The following NAV3 variants were observed in gnomAD, a reference collection of about 807,000 sequenced individuals.
The protein encoded by NAV3 is pore membrane and/or filament interacting like protein 1.
Under a neutral mutation model 244.7 loss-of-function variants are expected in NAV3, and 87 were observed. The ratio of observed to expected loss-of-function variants is 0.36; its 90% confidence interval spans 0.30 to 0.42. The LOEUF is 0.42. NAV3 is among the 20% of genes least tolerant of loss of function. NAV3 has a pLI of 1.00. For synonymous variants in NAV3, 1,126 were observed against 1,042.2 expected, an observed-to-expected ratio of 1.08 and a Z score of -1.55; for missense variants, 2,663 against 2,893.3, an observed-to-expected ratio of 0.92 and a Z score of 1.83.
At chr12:77,597,682 A>G (rs1378193292) in intron 2 of NAV3, among the ~76,000 whole-genome samples, 1 of 152,112 alleles carries the variant, frequency 6.6e-6, no homozygotes, top group Non-Finnish European at 1.5e-5. Context: ...CTGATATTAA[A>G]TAGCTTCCAG....
chr12:77,986,703 A>G (rs1265189961), intron 5 of NAV3, among the ~76,000 whole-genome samples: 2 of 152,216 alleles, frequency 1.3e-5, no homozygotes, highest in Admixed American at 6.5e-5. Context: ...TAAATAGAAT[A>G]GTCTACAAAC....
chr12:77,745,549 C>T (rs986950704), intron 2 of NAV3, among the ~76,000 whole-genome samples: 2 of 151,900 alleles, frequency 1.3e-5, no homozygotes, highest in African/African-American at 2.4e-5. Context: ...ACATCATGCC[C>T]GGGACCATAA....
In NAV3 at chr12:77,796,856, T is replaced by A. The variant is rs1003987972; in HGVS notation, c.73-143463T>A. 1.5e-4 allele frequency among the ~76,000 whole-genome samples: 23 copies of A among 151,992 alleles called. 1 individual carries two copies. The highest frequency in any genetic ancestry group is 4.1e-4 in the South Asian group (2 of 4,820). ...TATTTTTAATTAAGGTTTTTTTTTT[T>A]AAATATAATGCTATTGAACACTTAA... On this transcript the variant is annotated intron_variant, in intron 2 of 8. Transcript: ENST00000550042.
At chr12:77,895,484 C>T (rs12370490) in intron 1 of NAV3, among the ~76,000 whole-genome samples, 16 of 152,108 alleles carry the variant, frequency 1.1e-4, no homozygotes, top group African/African-American at 3.9e-4. Flanking sequence ...AACTTAGAAT[C>T]TACTCTCCAA....
At chr12:78,030,414 TGAAATGTGGAAAGA>T (rs1342342369) in intron 9 of NAV3, among the ~76,000 whole-genome samples, 1 of 152,146 alleles carries the variant, frequency 6.6e-6, no homozygotes, top group Non-Finnish European at 1.5e-5. Context: ...CAAGACTGTT[TGAAATGTGGAAAGA>T]GAAATGTTCT....
At chr12:77,720,888 A>G (rs954740541) in intron 2 of NAV3, among the ~76,000 whole-genome samples, 1 of 152,140 alleles carries the variant, frequency 6.6e-6, no homozygotes, top group Admixed American at 6.6e-5. Context: ...CATGTTGATA[A>G]TATCACTTCT....
At chr12:77,969,785 G>A (rs2086230) in intron 5 of NAV3, among the ~76,000 whole-genome samples, 49,010 of 151,890 alleles carry the variant, frequency 0.32, 8,139 homozygotes, top group African/African-American at 0.39. Flanking sequence ...CAGAGGTTGC[G>A]GTGAGCCAAG....
chr12:77,847,210 G>T (rs1291572483), intron 1 of NAV3, among the ~76,000 whole-genome samples: 1 of 152,150 alleles, frequency 6.6e-6, no homozygotes, highest in Non-Finnish European at 1.5e-5. Flanking sequence ...GAGGAAGAGA[G>T]CATCTGTCTA....
At chr12:77,875,674 A>G (rs566639040) in intron 1 of NAV3, among the ~76,000 whole-genome samples, 1 of 152,228 alleles carries the variant, frequency 6.6e-6, no homozygotes, top group Admixed American at 6.5e-5. Flanking sequence ...ATTCCTGCTC[A>G]TATGATTTAT....
intron 2 of NAV3, among the ~76,000 whole-genome samples, chr12:77,766,734 A>ATTTT (rs1565805085): frequency 7.5e-5 from 4 of 53,344 alleles, no homozygotes; most frequent in African/African-American, 1.5e-4. Flanking sequence ...CAGGCAATTA[A>ATTTT]GTTTTTTTTT....
chr12:77,999,790 T>C (rs1252957716), intron 7 of NAV3, among the ~76,000 whole-genome samples: 2 of 150,782 alleles, frequency 1.3e-5, no homozygotes, highest in Non-Finnish European at 3.0e-5. Context: ...CAGTCGCTCA[T>C]CAGAAAAAAA....
intron 5 of NAV3, among the ~76,000 whole-genome samples, chr12:77,974,759 C>T (rs190555066): frequency 7.9e-5 from 12 of 152,282 alleles, no homozygotes; most frequent in Non-Finnish European, 1.6e-4. Flanking sequence ...TTCCAGTGTT[C>T]TTCCTCTAAT....
chr12:78,156,134 A>G (rs546157802), intron 22 of NAV3, among the ~76,000 whole-genome samples: 87 of 152,174 alleles, frequency 5.7e-4, no homozygotes, highest in Non-Finnish European at 1.0e-3. Flanking sequence ...TTTGGATTTT[A>G]CTTGTAAGTC....
intron 2 of NAV3, among the ~76,000 whole-genome samples, chr12:77,603,787 C>G (rs1870546697): frequency 2.0e-5 from 3 of 151,934 alleles, no homozygotes; most frequent in African/African-American, 7.2e-5. Flanking sequence ...CTCCTCTCTC[C>G]TTTCCTTCCT....
chr12:77,869,248 G>A (rs968727859), intron 1 of NAV3, among the ~76,000 whole-genome samples: 1 of 152,060 alleles, frequency 6.6e-6, no homozygotes, highest in African/African-American at 2.4e-5. Context: ...ACTATTATGA[G>A]GGTTCGATCA....
At chr12:78,142,152 A>G (rs1053683742) in intron 20 of NAV3, among the ~76,000 whole-genome samples, 1 of 152,084 alleles carries the variant, frequency 6.6e-6, no homozygotes, top group Non-Finnish European at 1.5e-5. Flanking sequence ...CTAAATGAAG[A>G]ATGGGATATT....
chr12:77,885,323 G>A (rs563529791), intron 1 of NAV3, among the ~76,000 whole-genome samples: 1 of 152,014 alleles, frequency 6.6e-6, no homozygotes, highest in Non-Finnish European at 1.5e-5. Flanking sequence ...TGAAGTCTAA[G>A]GAAGCTAAAT....
chr12:77,755,770 G>A (rs939876181), intron 2 of NAV3, among the ~76,000 whole-genome samples: 1 of 144,386 alleles, frequency 6.9e-6, no homozygotes, highest in African/African-American at 2.6e-5. Context: ...GTCTTGCCTT[G>A]TCACTCAGGG....
At chr12:77,928,660 T>C (rs1325353378) in intron 1 of NAV3, among the ~76,000 whole-genome samples, 1 of 152,182 alleles carries the variant, frequency 6.6e-6, no homozygotes, top group Non-Finnish European at 1.5e-5. Flanking sequence ...AAACTGCATG[T>C]AAAGAAAAAT....
Sources: gnomAD v4.1 joint callset for allele counts (sites outside exome capture counted in the v4.1 genomes callset) on GRCh38, gnomAD v4.1.1 for gene constraint, MANE v1.5 for transcripts, NCBI Gene and HGNC (gene_info 2026-07-23, HGNC 2026-07-21) for gene names.